PLCG2: variants seen among roughly 807,000 people sequenced by gnomAD.
PLCG2 encodes the protein phospholipase C gamma 2.
A neutral mutation model predicts 175.6 loss-of-function variants in PLCG2; 69 were observed. The observed-to-expected ratio is 0.39, with a 90% CI of 0.32 to 0.48. The LOEUF is 0.48. Among genes scored for constraint, PLCG2 ranks in the 20% least tolerant of loss-of-function variants. The pLI is 0.91. For missense variants in PLCG2, 1,798 were observed against 1,650.9 expected (o/e 1.09, Z -1.54); for synonymous variants, 827 against 624.0 (o/e 1.33, Z -4.85).
chr16:81,828,554 A>C (rs1163296672), intron 2 of PLCG2, among the ~76,000 whole-genome samples: 1 of 151,994 alleles, frequency 6.6e-6, no homozygotes, highest in Non-Finnish European at 1.5e-5. Flanking sequence ...CGTCATTTTT[A>C]TTCTGTGCTG....
chr16:81,782,569 T>C (rs572620080), intron 1 of PLCG2, among the ~76,000 whole-genome samples: 1 of 152,368 alleles, frequency 6.6e-6, no homozygotes, highest in Non-Finnish European at 1.5e-5. Context: ...CAGGGATCTT[T>C]TGGCCGTGAA....
chr16:81,739,340 T>A (rs975116050), exon 1 of PLCG2: 1 of 150,672 alleles, frequency 6.6e-6, no homozygotes, highest in African/African-American at 2.4e-5. Context: ...CAGTGGCGGG[T>A]CTGCAGTCAC....
intron 17 of PLCG2, among the ~76,000 whole-genome samples, chr16:81,909,034 C>T (rs1264217164): frequency 6.6e-6 from 1 of 152,150 alleles, no homozygotes; most frequent in East Asian, 1.9e-4. Flanking sequence ...CCGTCATAGG[C>T]TGTGATGAGC....
chr16:81,905,966 A>C (rs1448155906), intron 15 of PLCG2, among the ~76,000 whole-genome samples: 3 of 152,076 alleles, frequency 2.0e-5, no homozygotes, highest in African/African-American at 7.2e-5. Flanking sequence ...GGCCAACTTT[A>C]TTTTCCTTTT....
chr16:81,807,761 T>C (rs1363233349), intron 2 of PLCG2, among the ~76,000 whole-genome samples: 2 of 152,132 alleles, frequency 1.3e-5, no homozygotes, highest in African/African-American at 2.4e-5. Context: ...TCAGCATGGC[T>C]GGAGGGGCCC....
intron 1 of PLCG2, among the ~76,000 whole-genome samples, chr16:81,780,949 C>T (rs574070843): frequency 1.3e-5 from 2 of 152,166 alleles, no homozygotes; most frequent in Non-Finnish European, 1.5e-5. Flanking sequence ...ATCACTTGAA[C>T]CCAGGAGGTG....
chr16:81,941,098 A>AATGAAG (rs1238172516), intron 30 of PLCG2, among the ~76,000 whole-genome samples: 1 of 152,224 alleles, frequency 6.6e-6, no homozygotes, highest in East Asian at 1.9e-4. Context: ...CGTGGGGCTC[A>AATGAAG]ATGAAGAGCT....
At chr16:81,879,844 G>A (rs962660709) in intron 7 of PLCG2, among the ~76,000 whole-genome samples, 2 of 152,184 alleles carry the variant, frequency 1.3e-5, no homozygotes, top group Non-Finnish European at 2.9e-5. Context: ...TGGTGGAAGA[G>A]CCTCTTCATC....
chr16:81,950,719 A>T (rs1911332827), intron 31 of PLCG2, among the ~76,000 whole-genome samples: 2 of 152,214 alleles, frequency 1.3e-5, no homozygotes, highest in African/African-American at 4.8e-5. Context: ...ATTGCTCACA[A>T]TTTGAAGATA....
chr16:81,879,476 GA>G (rs1907974139), intron 7 of PLCG2, among the ~76,000 whole-genome samples: 1 of 152,132 alleles, frequency 6.6e-6, no homozygotes, highest in South Asian at 2.1e-4. Flanking sequence ...TATGTCTCCA[GA>G]AGAAACACAC....
At chr16:81,773,872 C>T (rs574590036) in intron 2 of PLCG2, among the ~76,000 whole-genome samples, 1 of 152,208 alleles carries the variant, frequency 6.6e-6, no homozygotes, top group East Asian at 1.9e-4. Flanking sequence ...TCCAAAGCCC[C>T]CTTTTTGTGT....
chr16:81,748,226 C>T (rs1270419994), intron 1 of PLCG2, among the ~76,000 whole-genome samples: 3 of 152,142 alleles, frequency 2.0e-5, no homozygotes, highest in African/African-American at 7.2e-5. Flanking sequence ...TCCATCTCTA[C>T]TAAAAATACA....
chr16:81,836,466 C>T (rs928992028), intron 2 of PLCG2, among the ~76,000 whole-genome samples: 2 of 152,108 alleles, frequency 1.3e-5, no homozygotes, highest in East Asian at 1.9e-4. Context: ...TTGGGCCGGG[C>T]AAGGTGACTC....
At chr16:81,907,301 G>T (rs576286051) in intron 15 of PLCG2, among the ~76,000 whole-genome samples, 3 of 148,036 alleles carry the variant, frequency 2.0e-5, no homozygotes, top group Non-Finnish European at 3.0e-5. Flanking sequence ...AAATTTCATC[G>T]GGGGAAAAAA....
chr16:81,859,226 C>T, intron 5 of PLCG2, 63 bp downstream of exon 5: 1 of 1,073,878 alleles, frequency 9.3e-7, no homozygotes, highest in Non-Finnish European at 1.4e-6. Flanking sequence ...ATCTTTAAAC[C>T]TTCCAAGGGG....
intron 31 of PLCG2, among the ~76,000 whole-genome samples, chr16:81,950,530 T>G (rs1911325237): frequency 6.6e-6 from 1 of 152,210 alleles, no homozygotes. Context: ...TAATTTGCCT[T>G]AAGAAATATA....
chr16:81,816,071 A>AG (rs1445950165), intron 2 of PLCG2, among the ~76,000 whole-genome samples: 1 of 148,702 alleles, frequency 6.7e-6, no homozygotes, highest in Non-Finnish European at 1.5e-5. Context: ...TTAAAAAAAA[A>AG]AAAAAATGTG....
chr16:81,876,022 TTTTTTTTTTTTTTTTG>T (rs902819427), intron 7 of PLCG2, among the ~76,000 whole-genome samples: 2 of 105,202 alleles, frequency 1.9e-5, no homozygotes, highest in Non-Finnish European at 4.3e-5. Context: ...CTTTCTTTTT[TTTTTTTTTTTTTTTTG>T]TTTTTGAGAC....
intron 2 of PLCG2, among the ~76,000 whole-genome samples, chr16:81,824,215 C>T (rs574604384): frequency 2.2e-4 from 33 of 151,218 alleles, no homozygotes; most frequent in African/African-American, 8.0e-4. Flanking sequence ...CTCACCGCAA[C>T]CTCCACCTCC....
Sources: allele counts gnomAD v4.1 joint callset (sites outside exome capture counted in the v4.1 genomes callset), GRCh38; gene constraint gnomAD v4.1.1; transcripts MANE v1.5; gene names NCBI Gene and HGNC (gene_info 2026-07-23, HGNC 2026-07-21).